Variants in LARGE1 observed in about 807,000 individuals in gnomAD.
LARGE1 encodes xylosyl- and glucuronyltransferase LARGE1.
A neutral mutation model predicts 87.6 loss-of-function variants in LARGE1; 43 were observed. The observed-to-expected ratio is 0.49, with a 90% CI of 0.38 to 0.63. The LOEUF is 0.63. Ranked by LOEUF, LARGE1 falls within the 30% of genes least tolerant of loss-of-function variation. The pLI, the probability that LARGE1 is intolerant of heterozygous loss-of-function variation, is 0.00. For synonymous variants in LARGE1, 434 were observed against 394.6 expected (o/e 1.10, Z -1.18); for missense variants, 802 against 1,000.2 (o/e 0.80, Z 2.67).
intron 1 of LARGE1, among the ~76,000 whole-genome samples, chr22:33,826,764 C>G (rs62227787): frequency 0.072 from 10,972 of 152,132 alleles, 507 homozygotes; most frequent in Admixed American, 0.098. Context: ...ATTTCCAAAT[C>G]AGGGAACAGC....
At chr22:33,442,917 C>T (rs939898045) in intron 6 of LARGE1, among the ~76,000 whole-genome samples, 9 of 152,138 alleles carry the variant, frequency 5.9e-5, no homozygotes, top group East Asian at 3.9e-4. Context: ...CTCAGCCTCC[C>T]GAGTAGCTGG....
At chr22:33,559,089 A>G (rs2077778346) in intron 6 of LARGE1, among the ~76,000 whole-genome samples, 1 of 152,266 alleles carries the variant, frequency 6.6e-6, no homozygotes, top group African/African-American at 2.4e-5. Context: ...TATAAGCAAC[A>G]GAAATTTATT....
At chr22:33,472,369 C>T (rs566961025) in intron 6 of LARGE1, among the ~76,000 whole-genome samples, 2 of 151,856 alleles carry the variant, frequency 1.3e-5, no homozygotes, top group Admixed American at 6.6e-5. Context: ...AAAAGGGATG[C>T]CAGAGAAAGG....
chr22:33,152,871 A>C, the LARGE1 span, among the ~76,000 whole-genome samples: 17 of 151,836 alleles, frequency 1.1e-4, no homozygotes, highest in Non-Finnish European at 7.4e-5. Flanking sequence ...TTTTGTTATT[A>C]TTTTTTATCT....
the LARGE1 span, among the ~76,000 whole-genome samples, chr22:33,079,403 A>G: frequency 6.6e-6 from 1 of 150,552 alleles, no homozygotes; most frequent in African/African-American, 2.4e-5. Flanking sequence ...AATTTTTTGT[A>G]TTTTCAGTAG....
chr22:33,682,761 G>A (rs530324206), intron 2 of LARGE1, among the ~76,000 whole-genome samples: 5 of 152,318 alleles, frequency 3.3e-5, no homozygotes, highest in African/African-American at 1.2e-4. Flanking sequence ...GCAAGTATAT[G>A]ACCCACTGTG....
chr22:33,738,621 A>G (rs1274760115), intron 2 of LARGE1, among the ~76,000 whole-genome samples: 1 of 152,114 alleles, frequency 6.6e-6, no homozygotes. Flanking sequence ...GCACTTTCGG[A>G]GGCCGAGGCA....
In LARGE1 at chr22:33,509,759, A is replaced by G. The variant is rs376480968; in HGVS notation, c.787+55089T>C. 1.3e-4 allele frequency among the ~76,000 whole-genome samples: 20 copies of G among 152,168 alleles called. No homozygotes were observed. The East Asian group carries it at 3.7e-3, about 28-fold the overall frequency. ...GTGCCATTGCGTCCAAGATTTTATA[A>G]ATGTTCTGTGTTTTTATAAATGATC... On this transcript the variant is annotated intron_variant, in intron 6 of 14. Coordinates refer to ENST00000397394, the MANE Select transcript of LARGE1 (RefSeq NM_133642.5).
At chr22:33,117,883 C>A in the LARGE1 span, among the ~76,000 whole-genome samples, 1 of 152,182 alleles carries the variant, frequency 6.6e-6, no homozygotes, top group Non-Finnish European at 1.5e-5. Flanking sequence ...TAAGTGCAAT[C>A]ATAACTGAAG....
In LARGE1 at chr22:33,863,893, C is replaced by A. The variant is rs530312923; in HGVS notation, c.-83+56102G>T. The stretch of plus-strand genomic sequence containing the variant: ...TGAGGAGGCCAATGTCTGGGGCCTG[C>A]TCCCATTGGACTGCAGTTTCACTTG... On this transcript the variant is annotated intron_variant, in intron 1 of 14. Coordinates refer to ENST00000397394, the MANE Select transcript of LARGE1 (RefSeq NM_133642.5). 7.2e-5 allele frequency among the ~76,000 whole-genome samples: 11 copies of A among 152,302 alleles called. No homozygotes were observed. The East Asian group carries it at 1.9e-3, about 27-fold the overall frequency.
Position 33,324,862 on chromosome 22 carries a change from G to T in LARGE1, c.1288-8614C>A, listed in dbSNP as rs143746523. On this transcript the variant is annotated intron_variant, in intron 10 of 14. Transcript: ENST00000397394. ...ATGTCTCTGAATTAGTAAGACAAAG[G>T]GTTTGGACTTCCTAAAGTGACGCTC... 2.8e-4 allele frequency among the ~76,000 whole-genome samples: 43 copies of T among 152,290 alleles called. 1 individual carries two copies. The East Asian group carries it at 7.9e-3, about 28-fold the overall frequency.
At chr22:33,677,809 G>A (rs2267256) in intron 2 of LARGE1, among the ~76,000 whole-genome samples, 77,221 of 151,770 alleles carry the variant, frequency 0.51, 19,918 homozygotes, top group African/African-American at 0.6. Context: ...CTTGAGACCC[G>A]ATTAGTCACA....
intron 4 of LARGE1, among the ~76,000 whole-genome samples, chr22:33,615,699 T>C (rs1216898055): frequency 1.3e-5 from 2 of 150,562 alleles, no homozygotes; most frequent in African/African-American, 4.9e-5. Flanking sequence ...GAAGAAACTT[T>C]GTGCTTCACA....
At chr22:33,553,199 T>C (rs1324801315) in intron 6 of LARGE1, among the ~76,000 whole-genome samples, 1 of 152,180 alleles carries the variant, frequency 6.6e-6, no homozygotes, top group Non-Finnish European at 1.5e-5. Context: ...ACAGCCATCT[T>C]ATTGTGATTA....
chr22:33,705,982 CAA>C (rs2082550762), intron 2 of LARGE1, among the ~76,000 whole-genome samples: 1 of 152,164 alleles, frequency 6.6e-6, no homozygotes, highest in Non-Finnish European at 1.5e-5. Context: ...AAACATCACC[CAA>C]GAGTCCCACA....
Position 33,274,528 on chromosome 22 carries a change from G to T in LARGE1, c.2170C>A (p.Arg724Ser). 3.1e-6 allele frequency: 5 copies of T among 1,614,122 alleles called. No homozygotes were observed. The highest frequency in any genetic ancestry group is 4.2e-6 in the Non-Finnish European group (5 of 1,180,012). The change falls in exon 15 of 15, where the codon CGC (arginine) becomes AGC (serine). Residue 724 changes from arginine to serine, a missense_variant. Around this residue, in one of 2 missense-constraint regions of LARGE1, gnomAD observed 625 missense variants for 841.9 expected, o/e 0.74. Transcript: ENST00000397394. Reference sequence around the variant, plus strand: ...TCCTTGAGGGTTTTGAGACAGATGCGGTATTGCTTGTTGGAACGGAACTTG... The same window carrying T: ...TCCTTGAGGGTTTTGAGACAGATGCTGTATTGCTTGTTGGAACGGAACTTG... ...ITKFRSNKQY[R>S]ICLKTLKEEF...
chr22:33,631,873 T>A (rs1569327063), intron 3 of LARGE1, among the ~76,000 whole-genome samples: 1 of 152,188 alleles, frequency 6.6e-6, no homozygotes, highest in African/African-American at 2.4e-5. Context: ...GTGTTGCACA[T>A]GATGTTAGGA....
intron 1 of LARGE1, among the ~76,000 whole-genome samples, chr22:33,845,290 G>T (rs1156832173): frequency 6.6e-6 from 1 of 151,988 alleles, no homozygotes; most frequent in East Asian, 1.9e-4. Flanking sequence ...GATGTATAAT[G>T]GATCTTATTT....
Position 33,274,500 on chromosome 22 carries a change from T to C in LARGE1, c.2198A>G (p.Glu733Gly), listed in dbSNP as rs1407596689. 2 of 1,613,968 alleles carry C rather than the reference T, an allele frequency of 1.2e-6. No individual in the cohort carries two copies. The highest frequency in any genetic ancestry group is 1.3e-5 in the African/African-American group (1 of 74,880). The change falls in exon 15 of 15, where the codon GAG becomes GGG. Residue 733 changes from glutamate (E) to glycine (G), a missense_variant. Around this residue, in one of 2 missense-constraint regions of LARGE1, gnomAD observed 625 missense variants for 841.9 expected, o/e 0.74. Transcript: ENST00000397394. ...YRICLKTLKE[E>G]FQQDMSRRYG... ...GCGGCGGGACATGTCCTGCTGAAAC[T>C]CTTCCTTGAGGGTTTTGAGACAGAT...
Sources: gnomAD v4.1 joint callset for allele counts (sites outside exome capture counted in the v4.1 genomes callset) on GRCh38, gnomAD v4.1.1 for gene constraint, gnomAD v4.1.1 regional missense constraint, MANE v1.5 for transcripts, NCBI Gene and HGNC (gene_info 2026-07-23, HGNC 2026-07-21) for gene names.